Variants in EPB41L3 observed in about 807,000 individuals in gnomAD.
EPB41L3 encodes band 4.1-like protein 3.
In EPB41L3, 57 loss-of-function variants were observed where a neutral mutation model predicts 127.1. The observed-to-expected ratio is 0.45, with a 90% CI of 0.36 to 0.56. EPB41L3 has a LOEUF of 0.56. EPB41L3 is among the 20% of genes least tolerant of loss of function. EPB41L3 has a pLI of 0.00. For missense variants in EPB41L3, 1,273 were observed against 1,372.2 expected, an observed-to-expected ratio of 0.93 and a Z score of 1.14; for synonymous variants, 572 against 549.5, an observed-to-expected ratio of 1.04 and a Z score of -0.57.
At chr18:5,529,404 C>G (rs969569192) in intron 1 of EPB41L3, among the ~76,000 whole-genome samples, 2 of 152,072 alleles carry the variant, frequency 1.3e-5, no homozygotes, top group African/African-American at 2.4e-5. Context: ...ACCAGGTCCC[C>G]CCTCTGTGCG....
At chr18:5,442,210 AT>A (rs2080886727) in intron 5 of EPB41L3, among the ~76,000 whole-genome samples, 3 of 152,134 alleles carry the variant, frequency 2.0e-5, no homozygotes, top group East Asian at 1.9e-4. Flanking sequence ...ATTTATCTTA[AT>A]TTTTTTCTTA....
chr18:5,485,333 TA>T (rs1224002652), intron 2 of EPB41L3, among the ~76,000 whole-genome samples: 1 of 151,968 alleles, frequency 6.6e-6, no homozygotes, highest in African/African-American at 2.4e-5. Flanking sequence ...AAAATCAGTA[TA>T]GAAGAACATA....
Position 5,431,207 on chromosome 18 carries a change from G to C in EPB41L3, c.912+2262C>G, listed in dbSNP as rs554844785. 3 of 152,248 alleles carry C rather than the reference G, an allele frequency of 2.0e-5. No homozygotes were observed. The East Asian group carries it at 5.8e-4, about 29-fold the overall frequency. 9.4% of individuals were successfully genotyped at this position (152,248 alleles called of 1,614,324 possible). A position where few individuals can be genotyped will look rare whatever the true frequency, so the allele number is the denominator to read the frequency against. On this transcript the variant is annotated intron_variant, in intron 8 of 22. Coordinates refer to ENST00000341928, the MANE Select transcript of EPB41L3 (RefSeq NM_012307.5). ...AAGCATTTGGGTTTTCCAAAACATA[G>C]GACCTTTGTGTAATATGGGTATTTA...
intron 3 of EPB41L3, among the ~76,000 whole-genome samples, chr18:5,596,824 G>A (rs1011999628): frequency 2.0e-5 from 3 of 152,034 alleles, no homozygotes; most frequent in South Asian, 2.1e-4. Flanking sequence ...TTTTCATAGC[G>A]TTTTAATAAT....
chr18:5,396,228 G>A lies in EPB41L3; in HGVS notation c.2946C>T (p.Thr982=), dbSNP rs1431885287. The part of the protein sequence containing the change: ...TKEVPVVHTE[T]KTITYESSQV... ...GTGATGATTCATATGTGATGGTTTT[G>A]GTTTCGGTGTGAACTACTGGCACTT... Residue 982 remains threonine, a synonymous_variant, in exon 19 of 23, where the codon ACC becomes ACT. Transcript: ENST00000341928. 1.2e-6 allele frequency: 2 copies of A among 1,614,044 alleles called. No homozygotes were observed. The highest frequency in any genetic ancestry group is 2.2e-5 in the East Asian group (1 of 44,898).
chr18:5,593,349 C>A (rs979534156), intron 3 of EPB41L3, among the ~76,000 whole-genome samples: 2 of 152,000 alleles, frequency 1.3e-5, no homozygotes, highest in Admixed American at 1.3e-4. Context: ...TAAAGCTGGG[C>A]GTCCGAGGGA....
At chr18:5,579,271 T>C (rs1297014329) in intron 3 of EPB41L3, among the ~76,000 whole-genome samples, 3 of 152,206 alleles carry the variant, frequency 2.0e-5, no homozygotes, top group Non-Finnish European at 4.4e-5. Flanking sequence ...GACAGGATGC[T>C]GTCTCTGTTA....
chr18:5,414,507 C>A (rs2076560010), intron 13 of EPB41L3, among the ~76,000 whole-genome samples: 1 of 152,204 alleles, frequency 6.6e-6, no homozygotes, highest in African/African-American at 2.4e-5. Flanking sequence ...TATATACTCA[C>A]AGGTGCAGCT....
At chr18:5,624,454 A>G (rs1220288326) in intron 1 of EPB41L3, among the ~76,000 whole-genome samples, 1 of 152,230 alleles carries the variant, frequency 6.6e-6, no homozygotes, top group Non-Finnish European at 1.5e-5. Flanking sequence ...CATCACTATA[A>G]TGAAGAATGC....
chr18:5,565,444 TTC>T (rs1331549064), intron 3 of EPB41L3, among the ~76,000 whole-genome samples: 1 of 150,906 alleles, frequency 6.6e-6, no homozygotes, highest in Non-Finnish European at 1.5e-5. Context: ...TCAGGTTTTC[TTC>T]TCTTTTCTTT....
intron 9 of EPB41L3, among the ~76,000 whole-genome samples, chr18:5,424,935 G>A (rs147202792): frequency 2.2e-4 from 33 of 152,308 alleles, no homozygotes; most frequent in Non-Finnish European, 4.1e-4. Flanking sequence ...TCATACGTAA[G>A]ATCAGAGATT....
Position 5,433,922 on chromosome 18 carries a change from C to T in EPB41L3, c.805G>A (p.Glu269Lys), listed in dbSNP as rs750621088. 12 of 1,614,162 alleles carry T rather than the reference C, an allele frequency of 7.4e-6. No homozygotes were observed. The highest frequency in any genetic ancestry group is 1.6e-4 in the Middle Eastern group (1 of 6,062). Residue 269 changes from glutamate to lysine, a missense_variant, in exon 7 of 23, where the codon GAG becomes AAG. Around this residue, in one of 3 missense-constraint regions of EPB41L3, gnomAD observed 326 missense variants for 440.2 expected, o/e 0.74. Transcript: ENST00000341928. ...TCTAACCTGTGGCTCTTGTGCAGCT[C>T]GATCACTTTGTCTTCCAGTTCTTTA... ...HTKELEDKVI[E>K]LHKSHRGMTP...
At chr18:5,520,335 A>G (rs573046720) in intron 1 of EPB41L3, among the ~76,000 whole-genome samples, 1 of 152,318 alleles carries the variant, frequency 6.6e-6, no homozygotes, top group South Asian at 2.1e-4. Context: ...TGTTCTGGCT[A>G]GAAAATAACA....
At chr18:5,444,557 T>C (rs914319611) in intron 4 of EPB41L3, among the ~76,000 whole-genome samples, 6 of 152,242 alleles carry the variant, frequency 3.9e-5, no homozygotes, top group Admixed American at 3.3e-4. Context: ...GATACAGCCC[T>C]GAACACAGTC....
intron 3 of EPB41L3, among the ~76,000 whole-genome samples, chr18:5,577,860 C>T (rs1193458631): frequency 6.6e-6 from 1 of 152,230 alleles, no homozygotes; most frequent in African/African-American, 2.4e-5. Flanking sequence ...CTACTGAGAT[C>T]AACAGGATAA....
Position 5,433,547 on chromosome 18 carries a change from C to T in EPB41L3, c.834G>A (p.Thr278=), listed in dbSNP as rs201803688. 77 of 1,612,044 alleles carry T rather than the reference C, an allele frequency of 4.8e-5. No individual in the cohort carries two copies. The Admixed American group carries it at 6.3e-4, about 13-fold the overall frequency. ...AGAAATGCATCTCTGCTTCTGCTGGCGTCATTCCTCTGATGAGAAGAAAAA... is the reference window on the plus strand; with the variant it reads ...AGAAATGCATCTCTGCTTCTGCTGGTGTCATTCCTCTGATGAGAAGAAAAA... The part of the protein sequence containing the change: ...IELHKSHRGM[T]PAEAEMHFLE... The change falls in exon 8 of 23, where the codon ACG becomes ACA. Residue 278 remains threonine (T), a synonymous_variant. Coordinates refer to ENST00000341928, the MANE Select transcript of EPB41L3 (RefSeq NM_012307.5).
At chr18:5,582,571 T>C (rs530475117) in intron 3 of EPB41L3, among the ~76,000 whole-genome samples, 5 of 152,352 alleles carry the variant, frequency 3.3e-5, no homozygotes, top group East Asian at 1.9e-4. Context: ...TTCTAAATAT[T>C]ACAAATGAAA....
intron 16 of EPB41L3, 104 bp downstream of exon 16, chr18:5,406,673 G>A: frequency 9.6e-7 from 1 of 1,039,726 alleles, no homozygotes; most frequent in Non-Finnish European, 1.4e-6. Context: ...TAGGTAGGAA[G>A]AGAGATTTTC....
intron 16 of EPB41L3, chr18:5,400,298 A>G: frequency 3.4e-6 from 1 of 295,378 alleles, no homozygotes; most frequent in Non-Finnish European, 6.7e-6. Context: ...AGCTTCACAG[A>G]TTACAGAGGG....
Sources: allele counts gnomAD v4.1 joint callset (sites outside exome capture counted in the v4.1 genomes callset), GRCh38; gene constraint gnomAD v4.1.1; regional missense constraint gnomAD v4.1.1; transcripts MANE v1.5; gene names NCBI Gene and HGNC (gene_info 2026-07-23, HGNC 2026-07-21).